The following SORBS2 variants were observed in gnomAD, a reference collection of about 807,000 sequenced individuals.
The protein encoded by SORBS2 is sorbin and SH3 domain containing 2.
Under a neutral mutation model 97.7 loss-of-function variants are expected in SORBS2, and 46 were observed. The observed-to-expected ratio is 0.47, with a 90% confidence interval of 0.37 to 0.60. The LOEUF is 0.60. Ranked by LOEUF, SORBS2 falls within the 20% of genes least tolerant of loss-of-function variation. The pLI is 0.00. For synonymous variants in SORBS2, 476 were observed against 473.4 expected, an observed-to-expected ratio of 1.01 and a Z score of -0.07; for missense variants, 1,316 against 1,282.3, an observed-to-expected ratio of 1.03 and a Z score of -0.40.
At chr4:185,768,705 A>AAAAC (rs1468379505) in intron 2 of SORBS2, among the ~76,000 whole-genome samples, 5 of 102,750 alleles carry the variant, frequency 4.9e-5, no homozygotes, top group Admixed American at 1.9e-4. Flanking sequence ...TCTCAAAAAA[A>AAAAC]AAAAAACAAA....
intron 2 of SORBS2, among the ~76,000 whole-genome samples, chr4:185,737,018 T>C (rs2098692017): frequency 6.6e-6 from 1 of 152,202 alleles, no homozygotes; most frequent in Admixed American, 6.5e-5. Context: ...CGGGTTGCTC[T>C]TAGCAACATC....
chr4:185,930,419 C>T (rs775991591), intron 1 of SORBS2, among the ~76,000 whole-genome samples: 10 of 152,046 alleles, frequency 6.6e-5, no homozygotes, highest in African/African-American at 1.2e-4. Flanking sequence ...CTCAGCCTCC[C>T]GAGTAGCTGG....
intron 1 of SORBS2, among the ~76,000 whole-genome samples, chr4:185,837,029 A>G (rs1237701698): frequency 6.6e-6 from 1 of 152,180 alleles, no homozygotes; most frequent in African/African-American, 2.4e-5. Context: ...TGGATATTTA[A>G]TTATGAGTGA....
intron 1 of SORBS2, among the ~76,000 whole-genome samples, chr4:185,922,675 T>G (rs1433234983): frequency 6.6e-6 from 1 of 152,254 alleles, no homozygotes; most frequent in Non-Finnish European, 1.5e-5. Flanking sequence ...ATCATTTCCT[T>G]TCCATTTTCT....
At chr4:185,630,207 T>C (rs1215832671) in intron 5 of SORBS2, among the ~76,000 whole-genome samples, 1 of 152,134 alleles carries the variant, frequency 6.6e-6, no homozygotes, top group Non-Finnish European at 1.5e-5. Flanking sequence ...AATCTATAAT[T>C]TTTTTCAAAT....
intron 1 of SORBS2, among the ~76,000 whole-genome samples, chr4:185,856,621 G>T (rs1263995025): frequency 6.6e-6 from 1 of 152,006 alleles, no homozygotes; most frequent in Non-Finnish European, 1.5e-5. Flanking sequence ...TTTGAAATAT[G>T]CCCCAAATTT....
In SORBS2 at chr4:185,694,718, T is replaced by TTTTTTTTG; in HGVS notation, c.-197-15897_-197-15896insCAAAAAAA. On this transcript the variant is annotated intron_variant, in intron 2 of 20. Transcript: ENST00000284776. ...TTTCCTTTTCTTTCTTTTCTTTTCT[T>TTTTTTTTG]TTTTTTGAGACGGAGTCTCACTCTG... Among the ~76,000 whole-genome samples the TTTTTTTTG allele has an allele frequency of 1.4e-5, 2 of 141,884 alleles. 1 individual carries two copies. Among genetic ancestry groups the TTTTTTTTG allele is most frequent in the Non-Finnish European group, 3.1e-5 (2 of 64,798 alleles). The allele number at this position is 141,884 out of a possible 152,430, so 93.1% of individuals were successfully genotyped here. A position where few individuals can be genotyped will look rare whatever the true frequency, so the allele number is the denominator to read the frequency against.
rs933787467 is a variant in SORBS2 at position 185,638,888 on chromosome 4, A to G, written c.396+7780T>C. 1.6e-5 allele frequency: 23 copies of G among 1,476,044 alleles called. No homozygotes were observed. In the African/African-American group the frequency reaches 3.1e-4, roughly 20 times the overall value. 91.4% of individuals were successfully genotyped at this position (1,476,044 alleles called of 1,614,324 possible). On this transcript the variant is annotated intron_variant, in intron 4 of 14. Transcript: ENST00000418609. ...AGGAAGGAGCTCACCCGGGTGGGAG[A>G]CAGAGCCGGGGCGCGCGAGCTTGGT...
At chr4:185,853,674 A>G (rs148684617) in intron 1 of SORBS2, among the ~76,000 whole-genome samples, 401 of 152,330 alleles carry the variant, frequency 2.6e-3, no homozygotes, top group Non-Finnish European at 4.5e-3. Flanking sequence ...TCTCCCAGAT[A>G]TGTGTATATG....
At chr4:185,936,624 T>C (rs2099269080) in intron 1 of SORBS2, among the ~76,000 whole-genome samples, 1 of 152,242 alleles carries the variant, frequency 6.6e-6, no homozygotes, top group Non-Finnish European at 1.5e-5. Context: ...CCACCATTGA[T>C]AATAGTGTGA....
chr4:185,760,044 C>A (rs969751742), intron 2 of SORBS2, among the ~76,000 whole-genome samples: 9 of 152,268 alleles, frequency 5.9e-5, no homozygotes, highest in African/African-American at 2.2e-4. Flanking sequence ...AAGGATAGCC[C>A]AGCTTAGGGG....
intron 2 of SORBS2, among the ~76,000 whole-genome samples, chr4:185,737,927 G>A (rs1235568904): frequency 6.6e-6 from 1 of 152,200 alleles, no homozygotes. Context: ...GGGCACAGGC[G>A]CTCCCCAGTG....
intron 2 of SORBS2, among the ~76,000 whole-genome samples, chr4:185,685,830 C>T (rs1284820194): frequency 6.6e-6 from 1 of 152,196 alleles, no homozygotes; most frequent in Non-Finnish European, 1.5e-5. Flanking sequence ...TGCTTTTATA[C>T]TTTTAACAAT....
chr4:185,818,482 C>T (rs1198841339), intron 1 of SORBS2, among the ~76,000 whole-genome samples: 2 of 152,150 alleles, frequency 1.3e-5, no homozygotes, highest in Admixed American at 1.3e-4. Flanking sequence ...AGCCACCGTG[C>T]CCAGCAGCCT....
At chr4:185,661,425 A>C (rs112529982), upstream of SORBS2, among the ~76,000 whole-genome samples, 6 of 152,330 alleles carry the variant, frequency 3.9e-5, no homozygotes, top group South Asian at 2.1e-4. Flanking sequence ...ATCTGCTTAC[A>C]ATTTTTTATG....
At chr4:185,654,224 G>A (rs915333935) in intron 1 of SORBS2, among the ~76,000 whole-genome samples, 1 of 152,200 alleles carries the variant, frequency 6.6e-6, no homozygotes, top group African/African-American at 2.4e-5. Flanking sequence ...CATGGTGGAA[G>A]GGATTGCAGT....
intron 2 of SORBS2, among the ~76,000 whole-genome samples, chr4:185,731,420 G>T (rs2098623883): frequency 6.6e-6 from 1 of 151,568 alleles, no homozygotes; most frequent in Non-Finnish European, 1.5e-5. Context: ...CAATAACCAA[G>T]CACTGGCTTT....
At chr4:185,753,262 C>T (rs960450852) in intron 2 of SORBS2, among the ~76,000 whole-genome samples, 3 of 152,168 alleles carry the variant, frequency 2.0e-5, no homozygotes, top group African/African-American at 4.8e-5. Flanking sequence ...TTTTGGGGAA[C>T]ATTTTTCATT....
At chr4:185,665,162 G>T (rs1005641633) in intron 4 of SORBS2, among the ~76,000 whole-genome samples, 1 of 152,044 alleles carries the variant, frequency 6.6e-6, no homozygotes, top group Non-Finnish European at 1.5e-5. Flanking sequence ...TTTAAAAATC[G>T]TACAGCTAAA....
Sources: allele counts gnomAD v4.1 joint callset (sites outside exome capture counted in the v4.1 genomes callset), GRCh38; gene constraint gnomAD v4.1.1; transcripts MANE v1.5; gene names NCBI Gene and HGNC (gene_info 2026-07-23, HGNC 2026-07-21).